The following KCNQ5 variants were observed in gnomAD, a reference collection of about 807,000 sequenced individuals.
KCNQ5 encodes potassium voltage-gated channel subfamily Q member 5.
In KCNQ5, 30 loss-of-function variants were observed where a neutral mutation model predicts 98.2. The observed-to-expected ratio is 0.31, with a 90% CI of 0.23 to 0.41. The LOEUF is 0.41. KCNQ5 is among the 10% of genes least tolerant of loss of function. The probability of loss-of-function intolerance (pLI) is 1.00; values close to 1 mark genes in which losing one functional copy is unlikely to be tolerated. For synonymous variants in KCNQ5, 458 were observed against 449.4 expected (o/e 1.02, Z -0.24); for missense variants, 835 against 1,182.5 (o/e 0.71, Z 4.31).
intron 9 of KCNQ5, among the ~76,000 whole-genome samples, chr6:73,125,916 G>A (rs1410899204): frequency 2.6e-5 from 4 of 152,038 alleles, no homozygotes; most frequent in African/African-American, 9.7e-5. Flanking sequence ...CCTAAGAAAC[G>A]TTTTTGACCA....
intron 1 of KCNQ5, among the ~76,000 whole-genome samples, chr6:72,980,144 G>A (rs1768364819): frequency 6.6e-6 from 1 of 152,044 alleles, no homozygotes. Context: ...GCTTAGGATT[G>A]ACTTGGCAAT....
chr6:72,706,936 A>G (rs1157798691), intron 1 of KCNQ5, among the ~76,000 whole-genome samples: 1 of 152,228 alleles, frequency 6.6e-6, no homozygotes, highest in African/African-American at 2.4e-5. Context: ...ACATATAGCA[A>G]CATAATCATT....
intron 1 of KCNQ5, among the ~76,000 whole-genome samples, chr6:72,852,662 A>ATATATATATATATATAT (rs1389810749): frequency 1.0e-4 from 4 of 38,352 alleles, no homozygotes; most frequent in Admixed American, 5.2e-4. Context: ...TATATATATA[A>ATATATATATATATATAT]ATGGCACTTA....
intron 1 of KCNQ5, among the ~76,000 whole-genome samples, chr6:72,739,521 T>G (rs1771023102): frequency 6.6e-6 from 1 of 152,250 alleles, no homozygotes; most frequent in South Asian, 2.1e-4. Context: ...AACTTCCTTT[T>G]CATTTCATAA....
chr6:73,194,623 G>A lies in KCNQ5; in HGVS notation c.2008G>A (p.Ala670Thr), dbSNP rs146030736. 493 of 1,614,140 alleles carry A rather than the reference G, an allele frequency of 3.1e-4. 3 individuals carry two copies. In the African/African-American group the frequency reaches 4.8e-3, roughly 16 times the overall value. The change falls in exon 14 of 14, where the codon GCA becomes ACA. Residue 670 changes from alanine (A) to threonine (T), a missense_variant. By Grantham distance (58) the Ala-to-Thr change is moderately conservative (BLOSUM62 0). Coordinates refer to ENST00000370398, the MANE Select transcript of KCNQ5 (RefSeq NM_019842.4). Reference sequence around the variant, plus strand: ...GGATAGCAAAGATCTTTCGGGTTCCGCACAAAACAGTGGCTGCTTATCCAG... The same window carrying A: ...GGATAGCAAAGATCTTTCGGGTTCCACACAAAACAGTGGCTGCTTATCCAG... The part of the protein sequence containing the change: ...PVDSKDLSGS[A>T]QNSGCLSRST...
intron 1 of KCNQ5, among the ~76,000 whole-genome samples, chr6:72,797,696 A>AT (rs1774414708): frequency 6.6e-6 from 1 of 152,130 alleles, no homozygotes; most frequent in Non-Finnish European, 1.5e-5. Flanking sequence ...ACTTTATTGG[A>AT]TTTTTATAGA....
At chr6:72,676,071 A>G (rs188401878) in intron 1 of KCNQ5, among the ~76,000 whole-genome samples, 2 of 152,200 alleles carry the variant, frequency 1.3e-5, no homozygotes, top group Admixed American at 1.3e-4. Flanking sequence ...ACTCTTGCAA[A>G]GACCTTTGGA....
chr6:72,903,438 T>A (rs1287180720), intron 1 of KCNQ5, among the ~76,000 whole-genome samples: 1 of 152,230 alleles, frequency 6.6e-6, no homozygotes, highest in African/African-American at 2.4e-5. Flanking sequence ...CAGTTTGTGC[T>A]CTTACCATCT....
At chr6:72,972,398 A>G (rs759254763) in intron 1 of KCNQ5, among the ~76,000 whole-genome samples, 2 of 152,032 alleles carry the variant, frequency 1.3e-5, no homozygotes, top group Non-Finnish European at 2.9e-5. Context: ...AACAAATGGA[A>G]TACATGTGCA....
chr6:72,984,570 C>A (rs1768655524), intron 1 of KCNQ5, among the ~76,000 whole-genome samples: 1 of 152,170 alleles, frequency 6.6e-6, no homozygotes, highest in African/African-American at 2.4e-5. Flanking sequence ...ATTGGAAAAG[C>A]CTAGTATTGG....
chr6:72,899,090 G>A (rs1389506280), intron 1 of KCNQ5, among the ~76,000 whole-genome samples: 9 of 152,088 alleles, frequency 5.9e-5, no homozygotes, highest in Admixed American at 3.9e-4. Context: ...TTTGTCAGAT[G>A]GGTAGATTGC....
In KCNQ5 at chr6:73,004,017, A is replaced by G. The variant is rs774810905; in HGVS notation, c.489+19A>G. On this transcript the variant is annotated intron_variant, in intron 2 of 13. Coordinates refer to ENST00000370398, the MANE Select transcript of KCNQ5 (RefSeq NM_019842.4). ...GATCCTGGTAAGTGAAACATGAACAAGAACGTACATGAATGTTGTATAAGA... is the reference window on the plus strand; with the variant it reads ...GATCCTGGTAAGTGAAACATGAACAGGAACGTACATGAATGTTGTATAAGA... 1 of 1,410,408 alleles carries G rather than the reference A, an allele frequency of 7.1e-7. No individual in the cohort carries two copies. Among genetic ancestry groups the G allele is most frequent in the South Asian group, 1.2e-5 (1 of 86,724 alleles). 87.4% of individuals were successfully genotyped at this position (1,410,408 alleles called of 1,614,324 possible).
chr6:73,146,372 C>A (rs931056796), intron 10 of KCNQ5, among the ~76,000 whole-genome samples: 1 of 152,142 alleles, frequency 6.6e-6, no homozygotes, highest in Non-Finnish European at 1.5e-5. Flanking sequence ...CACCTGTGAT[C>A]CCCACACTTT....
intron 1 of KCNQ5, among the ~76,000 whole-genome samples, chr6:72,711,205 A>G (rs891723089): frequency 2.6e-5 from 4 of 152,062 alleles, no homozygotes; most frequent in African/African-American, 9.7e-5. Context: ...AAATGTACAC[A>G]GAGAAAAGAC....
At chr6:72,739,991 C>G (rs1044438704) in intron 1 of KCNQ5, among the ~76,000 whole-genome samples, 1 of 152,152 alleles carries the variant, frequency 6.6e-6, no homozygotes, top group Non-Finnish European at 1.5e-5. Flanking sequence ...GGACTGTAGG[C>G]AAGACTTACT....
chr6:72,637,770 C>T (rs1387795099), intron 1 of KCNQ5, among the ~76,000 whole-genome samples: 1 of 152,140 alleles, frequency 6.6e-6, no homozygotes, highest in Non-Finnish European at 1.5e-5. Flanking sequence ...ATCCAAATGA[C>T]ATTTGGGAAC....
At chr6:72,634,874 C>A (rs1382797189) in intron 1 of KCNQ5, among the ~76,000 whole-genome samples, 1 of 152,026 alleles carries the variant, frequency 6.6e-6, no homozygotes, top group Admixed American at 6.6e-5. Flanking sequence ...GGCCTTCATT[C>A]TTTATTTTTA....
At chr6:72,852,640 A>AGTATATATATATATATAT (rs1777311700) in intron 1 of KCNQ5, among the ~76,000 whole-genome samples, 1 of 56,802 alleles carries the variant, frequency 1.8e-5, no homozygotes, top group African/African-American at 8.9e-5. Context: ...ATGAAGGGGA[A>AGTATATATATATATATAT]ATATATATAT....
At chr6:73,106,970 T>TA (rs143381325) in intron 6 of KCNQ5, among the ~76,000 whole-genome samples, 7 of 151,242 alleles carry the variant, frequency 4.6e-5, no homozygotes, top group African/African-American at 1.5e-4. Context: ...CCAGGAGAAT[T>TA]AAAAAAAAAA....
Sources: gnomAD v4.1 joint callset for allele counts (sites outside exome capture counted in the v4.1 genomes callset) on GRCh38, gnomAD v4.1.1 for gene constraint, MANE v1.5 for transcripts, NCBI Gene and HGNC (gene_info 2026-07-23, HGNC 2026-07-21) for gene names.